The following IL1RAPL1 variants were observed in gnomAD, a reference collection of about 807,000 sequenced individuals.
IL1RAPL1 encodes interleukin 1 receptor accessory protein like 1, also known as interleukin-1 receptor accessory protein-like 1.
A neutral mutation model predicts 48.4 loss-of-function variants in IL1RAPL1; 3 were observed. The observed-to-expected ratio is 0.06, with a 90% CI of 0.03 to 0.16. The LOEUF (loss-of-function observed/expected upper bound fraction) is 0.16. Ranked by LOEUF, IL1RAPL1 falls within the 10% of genes least tolerant of loss-of-function variation. The pLI is 1.00. For synonymous variants in IL1RAPL1, 185 were observed against 187.7 expected (o/e 0.99, Z 0.12); for missense variants, 349 against 530.6 (o/e 0.66, Z 3.36).
intron 2 of IL1RAPL1, among the ~76,000 whole-genome samples, chrX:29,143,519 C>T (rs775047281): frequency 2.7e-5 from 3 of 111,711 alleles, no homozygotes; most frequent in South Asian, 7.6e-4. Context: ...GATGAAATCT[C>T]GTGCAGTCTC....
At chrX:29,060,435 C>G (rs1440730270) in intron 2 of IL1RAPL1, among the ~76,000 whole-genome samples, 1 of 111,601 alleles carries the variant, frequency 9.0e-6, no homozygotes, top group Non-Finnish European at 1.9e-5. Context: ...AATATCCATG[C>G]CCACAATATA....
At chrX:28,725,414 G>A (rs759026017) in intron 1 of IL1RAPL1, among the ~76,000 whole-genome samples, 17 of 111,549 alleles carry the variant, frequency 1.5e-4, no homozygotes, top group Non-Finnish European at 1.3e-4. Context: ...TATAATTTTC[G>A]TTTACATATT....
intron 6 of IL1RAPL1, among the ~76,000 whole-genome samples, chrX:29,885,019 C>G (rs1932118681): frequency 9.3e-6 from 1 of 107,685 alleles, no homozygotes; most frequent in East Asian, 2.8e-4. Flanking sequence ...CTACAAGGCC[C>G]AATCTGGGTG....
intron 6 of IL1RAPL1, among the ~76,000 whole-genome samples, chrX:29,877,638 T>C (rs889953454): frequency 1.8e-5 from 2 of 111,752 alleles, no homozygotes; most frequent in Non-Finnish European, 3.8e-5. Flanking sequence ...GGTGTTTGCA[T>C]GTTAATACAC....
intron 5 of IL1RAPL1, among the ~76,000 whole-genome samples, chrX:29,602,253 G>T (rs1242325754): frequency 9.0e-6 from 1 of 110,982 alleles, no homozygotes; most frequent in Non-Finnish European, 1.9e-5. Flanking sequence ...AAAGTGCTGG[G>T]ATTACAGGTG....
intron 6 of IL1RAPL1, among the ~76,000 whole-genome samples, chrX:29,800,973 C>A (rs1929865642): frequency 1.3e-5 from 1 of 79,918 alleles, no homozygotes; most frequent in Non-Finnish European, 2.3e-5. Context: ...GCACTCCAGC[C>A]TGGGCAACAA....
intron 2 of IL1RAPL1, among the ~76,000 whole-genome samples, chrX:29,134,077 TATTC>T (rs1218567022): frequency 2.7e-5 from 3 of 111,955 alleles, no homozygotes; most frequent in African/African-American, 9.7e-5. Context: ...ACAGTTTATT[TATTC>T]ATTAACCTGT....
chrX:29,804,246 C>T (rs913522607), intron 6 of IL1RAPL1, among the ~76,000 whole-genome samples: 1 of 111,444 alleles, frequency 9.0e-6, no homozygotes, highest in South Asian at 3.8e-4. Context: ...TTTTTTCTGG[C>T]GTGATCTGCT....
chrX:28,590,824 A>T (rs1005076474), intron 1 of IL1RAPL1, among the ~76,000 whole-genome samples: 1 of 112,285 alleles, frequency 8.9e-6, no homozygotes, highest in African/African-American at 3.2e-5. Context: ...AGCAGGATGG[A>T]AAAAGATTCT....
intron 1 of IL1RAPL1, among the ~76,000 whole-genome samples, chrX:28,615,418 T>C (rs776780106): frequency 3.6e-5 from 4 of 109,869 alleles, no homozygotes; most frequent in Non-Finnish European, 7.6e-5. Context: ...ATTCCTTTAG[T>C]TGAAATACTA....
At chrX:29,471,694 G>A (rs1036471478) in intron 5 of IL1RAPL1, among the ~76,000 whole-genome samples, 8 of 111,361 alleles carry the variant, frequency 7.2e-5, no homozygotes, top group Non-Finnish European at 1.5e-4. Context: ...ATATCCATTA[G>A]CAGTCACTCC....
At chrX:29,602,057 C>T (rs959992753) in intron 5 of IL1RAPL1, among the ~76,000 whole-genome samples, 2 of 111,608 alleles carry the variant, frequency 1.8e-5, no homozygotes, top group African/African-American at 3.3e-5. Flanking sequence ...GATCTTGGCT[C>T]ACTGCAACCT....
chrX:29,235,642 T>C (rs760367473), intron 2 of IL1RAPL1, among the ~76,000 whole-genome samples: 2 of 111,919 alleles, frequency 1.8e-5, no homozygotes, highest in African/African-American at 6.5e-5. Context: ...AACACTGACA[T>C]TGGAAAACTG....
intron 2 of IL1RAPL1, among the ~76,000 whole-genome samples, chrX:28,830,123 T>C (rs1010126022): frequency 9.0e-6 from 1 of 111,632 alleles, no homozygotes; most frequent in Non-Finnish European, 1.9e-5. Flanking sequence ...CTCTGTCTGG[T>C]TTTGGTATCA....
chrX:29,342,301 C>G (rs1933094549), intron 3 of IL1RAPL1, among the ~76,000 whole-genome samples: 1 of 111,712 alleles, frequency 9.0e-6, no homozygotes, highest in South Asian at 3.7e-4. Flanking sequence ...TATTCCAGGA[C>G]TCTGCTAGGC....
intron 2 of IL1RAPL1, among the ~76,000 whole-genome samples, chrX:28,969,982 T>TAAACACATATATATGTTTCG (rs1202922483): frequency 8.3e-5 from 9 of 108,511 alleles, no homozygotes; most frequent in African/African-American, 3.1e-4. Context: ...TATATGTTTC[T>TAAACACATATATATGTTTCG]AAACACATAT....
chrX:29,352,900 C>T (rs1254606629), intron 3 of IL1RAPL1, among the ~76,000 whole-genome samples: 1 of 111,753 alleles, frequency 8.9e-6, no homozygotes, highest in Non-Finnish European at 1.9e-5. Flanking sequence ...TTATTTCTCA[C>T]TTAGGAGTTT....
At chrX:29,276,709 T>C (rs1932125458) in intron 2 of IL1RAPL1, among the ~76,000 whole-genome samples, 1 of 110,914 alleles carries the variant, frequency 9.0e-6, no homozygotes, top group African/African-American at 3.3e-5. Flanking sequence ...AAAGATAGGG[T>C]CTTGCTATGT....
chrX:29,327,831 G>A lies in IL1RAPL1; in HGVS notation c.362+44614G>A, dbSNP rs192222958. The stretch of plus-strand genomic sequence containing the variant: ...TTATGGTCTCTTTTGCAACAATTCA[G>A]TATCTGTCACAACTATTCGACTCCA... On this transcript the variant is annotated intron_variant, in intron 3 of 10. Coordinates refer to ENST00000378993, the MANE Select transcript of IL1RAPL1 (RefSeq NM_014271.4). Among the ~76,000 whole-genome samples, 1,006 of 109,979 alleles carry A rather than the reference G, an allele frequency of 9.1e-3. 6 individuals are homozygous for A. The highest frequency in any genetic ancestry group is 0.019 in the Middle Eastern group (4 of 214).
Sources: allele counts gnomAD v4.1 joint callset (sites outside exome capture counted in the v4.1 genomes callset), GRCh38; gene constraint gnomAD v4.1.1; transcripts MANE v1.5; gene names NCBI Gene and HGNC (gene_info 2026-07-23, HGNC 2026-07-21).